KDM4B: variants seen among roughly 807,000 people sequenced by gnomAD.
The protein encoded by KDM4B is lysine demethylase 4B.
In KDM4B, 32 loss-of-function variants were observed where a neutral mutation model predicts 125.2. That is an observed-to-expected ratio of 0.26 (90% confidence interval 0.19 to 0.34). The LOEUF (loss-of-function observed/expected upper bound fraction) is 0.34. KDM4B is among the 10% of genes least tolerant of loss of function. The pLI is 1.00. For missense variants in KDM4B, 1,190 were observed against 1,577.7 expected, an observed-to-expected ratio of 0.75 and a Z score of 4.16; for synonymous variants, 721 against 677.9, an observed-to-expected ratio of 1.06 and a Z score of -0.99.
chr19:5,006,509 A>G (rs1408987818), intron 1 of KDM4B, among the ~76,000 whole-genome samples: 5 of 152,162 alleles, frequency 3.3e-5, no homozygotes, highest in Middle Eastern at 3.2e-3. Context: ...GCAGTGGCTC[A>G]TGGCTGTAAT....
At chr19:5,002,487 C>G (rs1161454195) in intron 1 of KDM4B, among the ~76,000 whole-genome samples, 3 of 150,606 alleles carry the variant, frequency 2.0e-5, no homozygotes, top group Admixed American at 6.6e-5. Context: ...TTCTTTCTTT[C>G]CTTTCTTCTT....
intron 6 of KDM4B, among the ~76,000 whole-genome samples, chr19:5,064,051 C>T (rs530529899): frequency 6.6e-6 from 1 of 152,342 alleles, no homozygotes; most frequent in East Asian, 1.9e-4. Context: ...CAGGGCAGTG[C>T]GCCAGAGCCA....
At chr19:4,979,297 A>G (rs2034559108) in intron 1 of KDM4B, among the ~76,000 whole-genome samples, 1 of 152,124 alleles carries the variant, frequency 6.6e-6, no homozygotes, top group Admixed American at 6.6e-5. Flanking sequence ...AAACCCCAAA[A>G]AACCAAGCCC....
At chr19:4,976,455 T>C (rs574038450) in intron 1 of KDM4B, among the ~76,000 whole-genome samples, 2 of 152,282 alleles carry the variant, frequency 1.3e-5, no homozygotes, top group African/African-American at 2.4e-5. Context: ...TGCCTTTCTG[T>C]TACAGCTCAC....
chr19:5,093,385 G>A (rs966790254), intron 9 of KDM4B, among the ~76,000 whole-genome samples: 2 of 152,202 alleles, frequency 1.3e-5, no homozygotes, highest in African/African-American at 2.4e-5. Flanking sequence ...CTGGCTGGCC[G>A]GGAGGGGCAG....
In KDM4B at chr19:5,131,309, G is replaced by A; in HGVS notation, c.1549G>A (p.Glu517Lys). ...NVVPPEVPSE[E>K]LEAKPRPIIP... is the part of the protein sequence containing the mutation. ...CGTGCCCCCTGAGGTGCCCAGTGAG[G>A]AGCTAGAGGCCAAGCCTCGGCCCAT... The change falls in exon 12 of 23, where the codon GAG becomes AAG. Residue 517 changes from glutamate (E) to lysine (K), a missense_variant. By Grantham distance (56) the Glu-to-Lys change is moderately conservative. Around this residue, in one of 7 missense-constraint regions of KDM4B, gnomAD observed 428 missense variants for 405.1 expected, o/e 1.06. Coordinates refer to ENST00000159111, the MANE Select transcript of KDM4B (RefSeq NM_015015.3). The A allele has an allele frequency of 6.2e-7, 1 of 1,612,262 alleles. No homozygotes were observed. The highest frequency in any genetic ancestry group is 8.5e-7 in the Non-Finnish European group (1 of 1,179,844).
rs974251447 is a variant in KDM4B, at chr19:5,035,646, C to G, written c.141+2615C>G. On this transcript the variant is annotated intron_variant, in intron 3 of 22. Coordinates refer to ENST00000159111, the MANE Select transcript of KDM4B (RefSeq NM_015015.3). This position sits in a 1 kb window ranked among gnomAD's most constrained non-coding sequence, Gnocchi z 5.3. ...TGCACTCCCCCCAGGCCAGTTCCCCCGAGATTCTTGGCACCGGCGTCTTAA... is the reference window on the plus strand; with the variant it reads ...TGCACTCCCCCCAGGCCAGTTCCCCGGAGATTCTTGGCACCGGCGTCTTAA... Among the ~76,000 whole-genome samples, 1 of 152,134 alleles carries G rather than the reference C, an allele frequency of 6.6e-6. No homozygotes were observed. Among genetic ancestry groups the G allele is most frequent in the African/African-American group, 2.4e-5 (1 of 41,430 alleles).
chr19:5,027,005 C>T (rs1423137708), intron 2 of KDM4B, among the ~76,000 whole-genome samples: 1 of 152,236 alleles, frequency 6.6e-6, no homozygotes, highest in Non-Finnish European at 1.5e-5. Context: ...GCTCACACCA[C>T]GGGGCAGCCG....
At chr19:5,023,747 TGTC>T (rs2036194470) in intron 2 of KDM4B, among the ~76,000 whole-genome samples, 1 of 147,950 alleles carries the variant, frequency 6.8e-6, no homozygotes, top group Admixed American at 6.9e-5. Context: ...AACCATGCAC[TGTC>T]TTTTTGAATT....
rs148146590 is a variant in KDM4B, at chr19:5,127,469, C to G, written c.1316-3607C>G. 1.7e-3 allele frequency among the ~76,000 whole-genome samples: 263 copies of G among 152,294 alleles called. 4 individuals are homozygous for G. Among genetic ancestry groups the G allele is most frequent in the African/African-American group, 6.0e-3 (249 of 41,566 alleles). ...ACAGGGAGAGGGCTGGAAACTTGTT[C>G]TTGTGAGTTTGAGAATCCAGGGCAC... On this transcript the variant is annotated intron_variant, in intron 11 of 22. Transcript: ENST00000159111.
In KDM4B at chr19:5,030,064, C is replaced by T. The variant is rs551339477; in HGVS notation, c.-25-2802C>T. Among the ~76,000 whole-genome samples the T allele has an allele frequency of 7.2e-5, 11 of 152,278 alleles. No homozygotes were observed. The South Asian group carries it at 2.1e-3, about 29-fold the overall frequency. On this transcript the variant is annotated intron_variant, in intron 2 of 22. Coordinates refer to ENST00000159111, the MANE Select transcript of KDM4B (RefSeq NM_015015.3). ...TGTGGCCACGTGCTTTCCAGACGAG[C>T]CCCCGCAACCCCACGAGGTGTGGGG...
intron 7 of KDM4B, chr19:5,074,190 G>T: frequency 6.6e-6 from 1 of 152,546 alleles, no homozygotes; most frequent in Non-Finnish European, 1.5e-5. Context: ...AAGGTTGTGG[G>T]ATGTGTCAGA....
At chr19:5,129,661 G>A (rs2039509423) in intron 11 of KDM4B, among the ~76,000 whole-genome samples, 1 of 152,212 alleles carries the variant, frequency 6.6e-6, no homozygotes, top group African/African-American at 2.4e-5. Flanking sequence ...AGCACTGAAA[G>A]CCCCACAGCC....
chr19:4,997,392 G>A lies in KDM4B; in HGVS notation c.-108-18865G>A, dbSNP rs1306005896. ...AGCGTCGGCCCCTGGCTTCCACTGT[G>A]TCCTTCTGTGGTTCATGAGGACCTG... is the stretch of plus-strand genomic sequence containing the variant. On this transcript the variant is annotated intron_variant, in intron 1 of 22. Coordinates refer to ENST00000159111, the MANE Select transcript of KDM4B (RefSeq NM_015015.3). The surrounding 1 kb of genome is among the most constrained non-coding windows in gnomAD (Gnocchi z 4.2). Among the ~76,000 whole-genome samples, 1 of 152,060 alleles carries A rather than the reference G, an allele frequency of 6.6e-6. No individual in the cohort carries two copies. The highest frequency in any genetic ancestry group is 2.4e-5 in the African/African-American group (1 of 41,382).
At chr19:5,130,255 G>C (rs11879445) in intron 11 of KDM4B, among the ~76,000 whole-genome samples, 28,274 of 152,072 alleles carry the variant, frequency 0.19, 2,669 homozygotes, top group Admixed American at 0.22. Flanking sequence ...ATGTCCCTCT[G>C]TCATGTCCCA....
intron 1 of KDM4B, among the ~76,000 whole-genome samples, chr19:5,010,939 C>T (rs576636742): frequency 1.3e-5 from 2 of 152,332 alleles, no homozygotes; most frequent in African/African-American, 4.8e-5. Flanking sequence ...TGAGCCACTG[C>T]ACCTGGCGCT....
chr19:5,151,530 C>A lies in KDM4B; in HGVS notation c.*19C>A. On this transcript the variant is annotated 3_prime_UTR_variant, in exon 23 of 23. Coordinates refer to ENST00000159111, the MANE Select transcript of KDM4B (RefSeq NM_015015.3). ...CTTCTAGGACAGCTGGCCGCTCAGGCGACCCTCAGCCCGGCGGGGAGGCCA... is the reference window on the plus strand; with the variant it reads ...CTTCTAGGACAGCTGGCCGCTCAGGAGACCCTCAGCCCGGCGGGGAGGCCA... The A allele has an allele frequency of 7.5e-7, 1 of 1,341,244 alleles. No homozygotes were observed. Among genetic ancestry groups the A allele is most frequent in the Non-Finnish European group, 9.6e-7 (1 of 1,041,472 alleles). The allele number at this position is 1,341,244 out of a possible 1,614,324, so 83.1% of individuals were successfully genotyped here.
intron 3 of KDM4B, among the ~76,000 whole-genome samples, chr19:5,033,663 C>T (rs2036528281): frequency 6.6e-6 from 1 of 152,212 alleles, no homozygotes; most frequent in Non-Finnish European, 1.5e-5. Flanking sequence ...AGGGCGACAG[C>T]GCAGGTACAT....
At chr19:5,023,806 CTGG>C (rs1568235212) in intron 2 of KDM4B, among the ~76,000 whole-genome samples, 14 of 147,318 alleles carry the variant, frequency 9.5e-5, no homozygotes, top group African/African-American at 3.5e-4. Context: ...CACTCTGTCC[CTGG>C]CTGGAGTACA....
Sources: gnomAD v4.1 joint callset for allele counts (sites outside exome capture counted in the v4.1 genomes callset) on GRCh38, gnomAD v4.1.1 for gene constraint, gnomAD v4.1.1 regional missense constraint, Gnocchi (gnomAD v3.1) non-coding constraint, MANE v1.5 for transcripts, NCBI Gene and HGNC (gene_info 2026-07-23, HGNC 2026-07-21) for gene names.